Variants in PKP4 observed in about 807,000 individuals in gnomAD.
The protein encoded by PKP4 is plakophilin-4.
In PKP4, 90 loss-of-function variants were observed where a neutral mutation model predicts 145.1. That is an observed-to-expected ratio of 0.62 (90% CI 0.52 to 0.74). The LOEUF is 0.74. Among genes scored for constraint, PKP4 ranks in the 30% least tolerant of loss-of-function variants. The pLI is 0.00. For missense variants in PKP4, 1,340 were observed against 1,482.7 expected, an observed-to-expected ratio of 0.90 and a Z score of 1.58; for synonymous variants, 563 against 577.2, an observed-to-expected ratio of 0.98 and a Z score of 0.35.
intron 2 of PKP4, among the ~76,000 whole-genome samples, chr2:158,564,813 G>A (rs1335316437): frequency 6.6e-6 from 1 of 152,162 alleles, no homozygotes; most frequent in Non-Finnish European, 1.5e-5. Context: ...CTTAACAACA[G>A]CAGTACTTTT....
At chr2:158,467,141 A>T (rs1341894924) in intron 1 of PKP4, among the ~76,000 whole-genome samples, 3 of 152,208 alleles carry the variant, frequency 2.0e-5, no homozygotes, top group African/African-American at 7.2e-5. Context: ...ATATTCTTAT[A>T]CATTTTGGTT....
At chr2:158,471,108 A>G (rs1473579295) in intron 1 of PKP4, among the ~76,000 whole-genome samples, 1 of 152,212 alleles carries the variant, frequency 6.6e-6, no homozygotes, top group Non-Finnish European at 1.5e-5. Flanking sequence ...GGAATCTCTC[A>G]GAGCCTTGGA....
At chr2:158,588,290 A>G (rs2048975834) in intron 3 of PKP4, 1 of 152,140 alleles carries the variant, frequency 6.6e-6, no homozygotes, top group South Asian at 2.1e-4. Context: ...AGCAGTGTAA[A>G]AAAGTTCCCG....
At chr2:158,508,391 AG>A (rs1276020966) in intron 1 of PKP4, among the ~76,000 whole-genome samples, 2 of 141,080 alleles carry the variant, frequency 1.4e-5, no homozygotes, top group Non-Finnish European at 3.1e-5. Context: ...AAAAAAAAGA[AG>A]AAGAAGATGC....
At chr2:158,669,621 G>A in intron 16 of PKP4, 99 bp from the exon 17 acceptor site, 1 of 951,482 alleles carries the variant, frequency 1.1e-6, no homozygotes, top group Non-Finnish European at 1.5e-6. Flanking sequence ...CTCTTTGGGG[G>A]TTTTATTTTT....
In PKP4 at chr2:158,620,289, G is replaced by A. The variant is rs1285741584; in HGVS notation, c.281-701G>A. Among the ~76,000 whole-genome samples, 5 of 152,058 alleles carry A rather than the reference G, an allele frequency of 3.3e-5. No homozygotes were observed. In the South Asian group the frequency reaches 8.3e-4, roughly 25 times the overall value. On this transcript the variant is annotated intron_variant, in intron 4 of 21. Coordinates refer to ENST00000389759, the MANE Select transcript of PKP4 (RefSeq NM_003628.6). ...CATGATCTACACCACCTAAGTTTAC[G>A]GCATAAAAAACAGAAGTTTGAATGG...
chr2:158,551,830 C>G (rs1048703283), intron 2 of PKP4, among the ~76,000 whole-genome samples: 1 of 152,080 alleles, frequency 6.6e-6, no homozygotes, highest in African/African-American at 2.4e-5. Context: ...AATTTTGCAG[C>G]TTTTGCAATA....
At chr2:158,550,140 A>AATATATTAATTCTATTAAT (rs550269421) in intron 2 of PKP4, among the ~76,000 whole-genome samples, 1 of 151,864 alleles carries the variant, frequency 6.6e-6, no homozygotes, top group Non-Finnish European at 1.5e-5. Context: ...TTCTGCCAAG[A>AATATATTAATTCTATTAAT]AGAAGTTAAA....
At chr2:158,654,570 T>C (rs1287130129) in intron 11 of PKP4, among the ~76,000 whole-genome samples, 1 of 152,160 alleles carries the variant, frequency 6.6e-6, no homozygotes, top group African/African-American at 2.4e-5. Context: ...CTTTTCCGAT[T>C]CTGGGAGATA....
intron 2 of PKP4, among the ~76,000 whole-genome samples, chr2:158,554,717 G>A (rs971033524): frequency 2.0e-5 from 3 of 152,132 alleles, no homozygotes; most frequent in Admixed American, 6.5e-5. Context: ...GAGCCACTGC[G>A]CCCTGCCAGA....
intron 3 of PKP4, among the ~76,000 whole-genome samples, chr2:158,582,063 A>G (rs918801825): frequency 5.9e-5 from 9 of 152,234 alleles, no homozygotes; most frequent in Non-Finnish European, 1.2e-4. Context: ...GCAACCTTGA[A>G]AAGCCCTGAA....
chr2:158,465,338 A>T (rs1362944814), intron 1 of PKP4, among the ~76,000 whole-genome samples: 1 of 152,232 alleles, frequency 6.6e-6, no homozygotes, highest in Non-Finnish European at 1.5e-5. Context: ...TCTTTGGGAA[A>T]AGTCTGCACC....
At chr2:158,523,604 C>T (rs1231959484) in intron 1 of PKP4, among the ~76,000 whole-genome samples, 2 of 122,616 alleles carry the variant, frequency 1.6e-5, no homozygotes, top group African/African-American at 3.3e-5. Flanking sequence ...CGCAGTTCCT[C>T]ACCAGCAACA....
chr2:158,471,991 T>C (rs760682882), intron 1 of PKP4, among the ~76,000 whole-genome samples: 16 of 152,324 alleles, frequency 1.1e-4, no homozygotes, highest in Middle Eastern at 6.8e-3. Context: ...AAAAGCGCTA[T>C]CTAGGAAGCT....
At chr2:158,476,711 AG>A (rs1239936028) in intron 1 of PKP4, among the ~76,000 whole-genome samples, 1 of 143,068 alleles carries the variant, frequency 7.0e-6, no homozygotes, top group Non-Finnish European at 1.6e-5. Flanking sequence ...CTTTTAAAAT[AG>A]TTTTTTTTTT....
intron 7 of PKP4, among the ~76,000 whole-genome samples, chr2:158,630,217 A>G (rs1023222470): frequency 2.0e-5 from 3 of 152,256 alleles, no homozygotes; most frequent in African/African-American, 7.2e-5. Context: ...TCTGAGCATC[A>G]TAATATAGAA....
chr2:158,674,083 CT>C, intron 19 of PKP4, 83 bp downstream of exon 19: 1 of 824,652 alleles, frequency 1.2e-6, no homozygotes, highest in Non-Finnish European at 2.2e-6. Context: ...CAAACATAAG[CT>C]GGTTAAGCCT....
At chr2:158,536,719 C>G (rs1384136908) in intron 2 of PKP4, among the ~76,000 whole-genome samples, 1 of 152,156 alleles carries the variant, frequency 6.6e-6, no homozygotes, top group Admixed American at 6.5e-5. Context: ...GAAGTGATAA[C>G]CTCTCACAGT....
At chr2:158,574,985 G>A (rs1209867921) in intron 2 of PKP4, among the ~76,000 whole-genome samples, 1 of 152,184 alleles carries the variant, frequency 6.6e-6, no homozygotes, top group Non-Finnish European at 1.5e-5. Context: ...CTAGTTGTAA[G>A]ATACAGAAAC....
Sources: gnomAD v4.1 joint callset for allele counts (sites outside exome capture counted in the v4.1 genomes callset) on GRCh38, gnomAD v4.1.1 for gene constraint, MANE v1.5 for transcripts, NCBI Gene and HGNC (gene_info 2026-07-23, HGNC 2026-07-21) for gene names.